Variants in EYS observed in about 807,000 individuals in gnomAD.
The protein encoded by EYS is EGF-like photoreceptor maintenance factor.
A neutral mutation model predicts 282.1 loss-of-function variants in EYS; 250 were observed. That is an observed-to-expected ratio of 0.89 (90% confidence interval 0.80 to 0.98). EYS has a LOEUF of 0.98. Among genes scored for constraint, EYS ranks in the 50% least tolerant of loss-of-function variants. The probability of loss-of-function intolerance (pLI) is 0.00; values close to 1 mark genes in which losing one functional copy is unlikely to be tolerated. For missense variants in EYS, 4,016 were observed against 3,709.0 expected (o/e 1.08, Z -2.15); for synonymous variants, 1,355 against 1,282.9 (o/e 1.06, Z -1.20).
intron 22 of EYS, chr6:64,631,793 T>C (rs1767792203): frequency 6.6e-6 from 1 of 151,998 alleles, no homozygotes; most frequent in Non-Finnish European, 1.5e-5. Flanking sequence ...ATAAGAAGGG[T>C]ACAAAAACTG....
intron 29 of EYS, among the ~76,000 whole-genome samples, chr6:64,322,002 T>C (rs1053918189): frequency 4.6e-5 from 7 of 151,988 alleles, no homozygotes; most frequent in East Asian, 3.9e-4. Context: ...GGACATAGTC[T>C]ACATGTAGAA....
At chr6:63,839,347 C>T (rs1182239103) in intron 36 of EYS, among the ~76,000 whole-genome samples, 1 of 152,146 alleles carries the variant, frequency 6.6e-6, no homozygotes, top group Non-Finnish European at 1.5e-5. Flanking sequence ...TTTCACTTAA[C>T]ATAATGTTAT....
At chr6:63,832,594 A>C (rs1008616354) in intron 36 of EYS, among the ~76,000 whole-genome samples, 2 of 152,316 alleles carry the variant, frequency 1.3e-5, no homozygotes, top group African/African-American at 4.8e-5. Context: ...AACCCAAAAA[A>C]GTCCAGGACC....
intron 35 of EYS, among the ~76,000 whole-genome samples, chr6:63,954,223 C>T (rs1228904257): frequency 1.3e-5 from 2 of 152,164 alleles, no homozygotes; most frequent in African/African-American, 2.4e-5. Context: ...TCACCCTGAT[C>T]ACATTTGGTT....
At chr6:64,900,082 C>G (rs1237824645) in intron 18 of EYS, among the ~76,000 whole-genome samples, 1 of 152,160 alleles carries the variant, frequency 6.6e-6, no homozygotes, top group Non-Finnish European at 1.5e-5. Context: ...CATCACACAT[C>G]TACAACCATC....
chr6:64,327,685 AC>A (rs1770480176), intron 29 of EYS, among the ~76,000 whole-genome samples: 1 of 152,164 alleles, frequency 6.6e-6, no homozygotes, highest in South Asian at 2.1e-4. Flanking sequence ...AAAACCAGGA[AC>A]CATAGAAAGA....
chr6:65,556,517 T>G (rs1392710333), intron 2 of EYS, among the ~76,000 whole-genome samples: 1 of 152,120 alleles, frequency 6.6e-6, no homozygotes, highest in Non-Finnish European at 1.5e-5. Flanking sequence ...AAGAGAGATA[T>G]CATTCCTATT....
chr6:63,773,179 G>A (rs565274689), intron 40 of EYS, among the ~76,000 whole-genome samples: 2 of 152,252 alleles, frequency 1.3e-5, no homozygotes, highest in East Asian at 3.9e-4. Flanking sequence ...ATACATAATA[G>A]TGTCTGATTC....
intron 2 of EYS, among the ~76,000 whole-genome samples, chr6:65,533,496 C>T (rs1231614133): frequency 1.3e-5 from 2 of 152,074 alleles, no homozygotes; most frequent in Admixed American, 6.6e-5. Context: ...AGGCCAGCAT[C>T]ATCCTGATAC....
At chr6:65,001,076 G>A (rs1771448348) in intron 13 of EYS, among the ~76,000 whole-genome samples, 1 of 152,114 alleles carries the variant, frequency 6.6e-6, no homozygotes. Flanking sequence ...GTAGTGTCTA[G>A]GGGTGGATGC....
chr6:64,976,180 GC>G (rs1770469977), intron 14 of EYS, among the ~76,000 whole-genome samples: 1 of 151,694 alleles, frequency 6.6e-6, no homozygotes, highest in South Asian at 2.1e-4. Flanking sequence ...ATATTGAACC[GC>G]CTCTTTTTTG....
chr6:63,905,977 C>T (rs538337420), intron 35 of EYS, among the ~76,000 whole-genome samples: 4 of 152,272 alleles, frequency 2.6e-5, no homozygotes, highest in South Asian at 2.1e-4. Flanking sequence ...AAATAACCTA[C>T]GTGTTGCTCA....
chr6:64,712,344 TG>T (rs1771242163), intron 22 of EYS, among the ~76,000 whole-genome samples: 2 of 151,962 alleles, frequency 1.3e-5, no homozygotes, highest in South Asian at 4.2e-4. Context: ...GAGATAAGAG[TG>T]TTTGTGGAAG....
intron 12 of EYS, among the ~76,000 whole-genome samples, chr6:65,209,252 GT>G (rs1013721999): frequency 1.6e-4 from 24 of 145,902 alleles, no homozygotes; most frequent in South Asian, 4.4e-4. Flanking sequence ...GTGTGGGGAA[GT>G]TTTTTTTTTT....
chr6:64,020,356 A>C (rs1219028955), intron 33 of EYS, among the ~76,000 whole-genome samples: 1 of 152,186 alleles, frequency 6.6e-6, no homozygotes, highest in Non-Finnish European at 1.5e-5. Context: ...ATATATCATA[A>C]AACCTTTTCC....
chr6:65,052,519 G>A (rs1253401467), intron 13 of EYS, among the ~76,000 whole-genome samples: 3 of 151,530 alleles, frequency 2.0e-5, no homozygotes, highest in African/African-American at 7.3e-5. Flanking sequence ...TGCTTATTAG[G>A]AATGACTTCC....
At chr6:65,147,851 CA>C (rs1297809003) in intron 12 of EYS, among the ~76,000 whole-genome samples, 1 of 151,916 alleles carries the variant, frequency 6.6e-6, no homozygotes, top group African/African-American at 2.4e-5. Flanking sequence ...GAAGGGGAAA[CA>C]AAAACGGCCT....
At chr6:65,319,028 TA>T (rs1175386888) in intron 11 of EYS, among the ~76,000 whole-genome samples, 1 of 151,530 alleles carries the variant, frequency 6.6e-6, no homozygotes, top group Non-Finnish European at 1.5e-5. Context: ...TATATATGTT[TA>T]CATGATTTTT....
chr6:64,010,583 T>G (rs1239577487), intron 33 of EYS, among the ~76,000 whole-genome samples: 7 of 152,170 alleles, frequency 4.6e-5, no homozygotes, highest in African/African-American at 1.7e-4. Context: ...GTTTTCTTGG[T>G]TCCTTTTCCA....
Sources: allele counts gnomAD v4.1 joint callset (sites outside exome capture counted in the v4.1 genomes callset), GRCh38; gene constraint gnomAD v4.1.1; transcripts MANE v1.5; gene names NCBI Gene and HGNC (gene_info 2026-07-23, HGNC 2026-07-21).